The following ADARB2 variants were observed in gnomAD, a reference collection of about 807,000 sequenced individuals.
ADARB2 encodes adenosine deaminase RNA specific B2 (inactive).
In ADARB2, 25 loss-of-function variants were observed where a neutral mutation model predicts 62.2. The observed-to-expected ratio is 0.40, with a 90% confidence interval of 0.29 to 0.56. The LOEUF (loss-of-function observed/expected upper bound fraction) is 0.56. Among genes scored for constraint, ADARB2 ranks in the 20% least tolerant of loss-of-function variants. The pLI, the probability that ADARB2 is intolerant of heterozygous loss-of-function variation, is 0.43. For missense variants in ADARB2, 1,071 were observed against 1,077.4 expected, an observed-to-expected ratio of 0.99 and a Z score of 0.08; for synonymous variants, 572 against 500.8, an observed-to-expected ratio of 1.14 and a Z score of -1.90.
At chr10:1,315,796 C>T (rs556156879) in intron 3 of ADARB2, among the ~76,000 whole-genome samples, 2 of 152,274 alleles carry the variant, frequency 1.3e-5, no homozygotes, top group African/African-American at 2.4e-5. Context: ...TTATTTCCAT[C>T]GACCAAAATA....
At chr10:1,522,357 A>C (rs1242778740) in intron 1 of ADARB2, among the ~76,000 whole-genome samples, 1 of 152,190 alleles carries the variant, frequency 6.6e-6, no homozygotes, top group African/African-American at 2.4e-5. Context: ...ACTGCCTCTA[A>C]GAGGGGGAGG....
At chr10:1,257,962 G>T (rs1436007684) in intron 4 of ADARB2, among the ~76,000 whole-genome samples, 2 of 152,190 alleles carry the variant, frequency 1.3e-5, no homozygotes, top group African/African-American at 4.8e-5. Context: ...TTTCACATTT[G>T]TTCACTAATT....
intron 1 of ADARB2, among the ~76,000 whole-genome samples, chr10:1,444,275 CTATCTA>C (rs146675399): frequency 0.01 from 340 of 33,590 alleles, 1 homozygote; most frequent in African/African-American, 0.025. Flanking sequence ...CTATTTCCAT[CTATCTA>C]CATCCATCCA....
At chr10:1,459,603 A>C (rs1831141713) in intron 1 of ADARB2, among the ~76,000 whole-genome samples, 1 of 152,244 alleles carries the variant, frequency 6.6e-6, no homozygotes, top group Non-Finnish European at 1.5e-5. Context: ...GTCTCTACTA[A>C]AAATACAAAA....
intron 3 of ADARB2, among the ~76,000 whole-genome samples, chr10:1,344,986 G>A (rs1241409999): frequency 6.6e-6 from 1 of 152,206 alleles, no homozygotes; most frequent in Non-Finnish European, 1.5e-5. Context: ...CACCAAAGAG[G>A]CAGGTGGCCC....
intron 3 of ADARB2, chr10:1,291,986 G>A (rs1319885207): frequency 6.6e-6 from 1 of 152,424 alleles, no homozygotes; most frequent in Non-Finnish European, 1.5e-5. Context: ...CGCCTTCCAA[G>A]TTACCAATTC....
chr10:1,213,228 GAGAC>G (rs531783319), intron 7 of ADARB2, among the ~76,000 whole-genome samples: 128 of 152,260 alleles, frequency 8.4e-4, no homozygotes, highest in African/African-American at 1.9e-3. Flanking sequence ...CACAGAGAAA[GAGAC>G]AGAGAGACAA....
intron 4 of ADARB2, among the ~76,000 whole-genome samples, chr10:1,264,174 G>A (rs1055182547): frequency 2.0e-5 from 3 of 152,082 alleles, no homozygotes; most frequent in Non-Finnish European, 4.4e-5. Flanking sequence ...TTGAAATACA[G>A]ATGATAATTC....
intron 1 of ADARB2, among the ~76,000 whole-genome samples, chr10:1,716,893 T>C (rs1175931847): frequency 6.6e-6 from 1 of 152,160 alleles, no homozygotes; most frequent in African/African-American, 2.4e-5. Context: ...ACATATACCT[T>C]GAATAACAAT....
At chr10:1,219,963 G>C (rs576979765) in intron 6 of ADARB2, among the ~76,000 whole-genome samples, 1 of 137,534 alleles carries the variant, frequency 7.3e-6, no homozygotes, top group African/African-American at 2.8e-5. Flanking sequence ...GATGGTGGTG[G>C]TGATGGATGA....
chr10:1,411,333 G>A (rs1564282817), intron 1 of ADARB2, among the ~76,000 whole-genome samples: 2 of 152,200 alleles, frequency 1.3e-5, no homozygotes. Flanking sequence ...AAGTGCACCG[G>A]AGGCTCCGTC....
chr10:1,375,898 G>A (rs1333211078), intron 2 of ADARB2, among the ~76,000 whole-genome samples: 1 of 138,932 alleles, frequency 7.2e-6, no homozygotes, highest in East Asian at 2.1e-4. Flanking sequence ...CACCACACAC[G>A]TGCACATACC....
chr10:1,502,777 G>T (rs1452128533), intron 1 of ADARB2, among the ~76,000 whole-genome samples: 2 of 152,198 alleles, frequency 1.3e-5, no homozygotes, highest in Non-Finnish European at 2.9e-5. Context: ...ACAACACTTA[G>T]ATGGAAAAAG....
intron 1 of ADARB2, among the ~76,000 whole-genome samples, chr10:1,609,868 C>T (rs1336000438): frequency 1.3e-5 from 2 of 152,242 alleles, no homozygotes; most frequent in African/African-American, 4.8e-5. Flanking sequence ...CCTTCTCCAG[C>T]ATCGGAGGGC....
In ADARB2 at chr10:1,363,126, C is replaced by A. The variant is rs1290754870; in HGVS notation, c.979G>T (p.Ala327Ser). The change falls in exon 3 of 10, where the codon GCC becomes TCC. Residue 327 changes from alanine to serine, a missense_variant. Coordinates refer to ENST00000381312, the MANE Select transcript of ADARB2 (RefSeq NM_018702.4). Reference sequence around the variant, plus strand: ...GCGGCCTGCGCGGCCTGACCCCGGGCCAGCTTCTTGCTGCGCCCCGAGCCC... The same window carrying A: ...GCGGCCTGCGCGGCCTGACCCCGGGACAGCTTCTTGCTGCGCCCCGAGCCC... ...FEGSGRSKKLARGQAAQAALQ... is the reference protein window; with the variant it reads ...FEGSGRSKKLSRGQAAQAALQ... 1 of 1,545,766 alleles carries A rather than the reference C, an allele frequency of 6.5e-7. No homozygotes were observed.
At chr10:1,563,164 C>A (rs1299770737) in intron 1 of ADARB2, among the ~76,000 whole-genome samples, 1 of 152,124 alleles carries the variant, frequency 6.6e-6, no homozygotes. Context: ...CCTCCCGCAC[C>A]CTTTGAGCTG....
intron 1 of ADARB2, among the ~76,000 whole-genome samples, chr10:1,400,856 C>T (rs1293190387): frequency 6.6e-6 from 1 of 152,118 alleles, no homozygotes; most frequent in African/African-American, 2.4e-5. Flanking sequence ...GAGTTGGAGC[C>T]CTGGGACAGC....
intron 5 of ADARB2, among the ~76,000 whole-genome samples, chr10:1,241,612 C>T (rs1285242750): frequency 2.0e-5 from 3 of 152,218 alleles, no homozygotes; most frequent in Non-Finnish European, 2.9e-5. Context: ...GAGGCTGCCC[C>T]ATGACAGCCA....
chr10:1,668,130 C>T (rs372274202), intron 1 of ADARB2, among the ~76,000 whole-genome samples: 19 of 152,250 alleles, frequency 1.2e-4, no homozygotes, highest in Non-Finnish European at 1.0e-4. Flanking sequence ...GTGATTTTCT[C>T]TCCAGGCCCT....
Sources: gnomAD v4.1 joint callset for allele counts (sites outside exome capture counted in the v4.1 genomes callset) on GRCh38, gnomAD v4.1.1 for gene constraint, MANE v1.5 for transcripts, NCBI Gene and HGNC (gene_info 2026-07-23, HGNC 2026-07-21) for gene names.